The following SEMA3C variants were observed in gnomAD, a reference collection of about 807,000 sequenced individuals.
SEMA3C encodes the protein semaphorin 3C, also known as semaphorin-3C.
A neutral mutation model predicts 89.4 loss-of-function variants in SEMA3C; 47 were observed. The observed-to-expected ratio is 0.53, with a 90% confidence interval of 0.42 to 0.67. The LOEUF (loss-of-function observed/expected upper bound fraction) is 0.67. Among genes scored for constraint, SEMA3C ranks in the 30% least tolerant of loss-of-function variants. The pLI is 0.00. For missense variants in SEMA3C, 839 were observed against 929.1 expected (o/e 0.90, Z 1.26); for synonymous variants, 310 against 320.2 (o/e 0.97, Z 0.34).
At chr7:80,794,858 A>G (rs1338265303) in intron 11 of SEMA3C, among the ~76,000 whole-genome samples, 1 of 152,202 alleles carries the variant, frequency 6.6e-6, no homozygotes, top group Non-Finnish European at 1.5e-5. Context: ...ACTTACGGAA[A>G]AATATAATGA....
chr7:80,797,944 G>A, intron 11 of SEMA3C, 148 bp downstream of exon 11: 1 of 682,378 alleles, frequency 1.5e-6, no homozygotes, highest in Non-Finnish European at 2.3e-6. Flanking sequence ...GGTGAGGTGA[G>A]CTGAGATTGC....
At chr7:80,750,289 G>T (rs934352618) in intron 16 of SEMA3C, among the ~76,000 whole-genome samples, 1 of 151,220 alleles carries the variant, frequency 6.6e-6, no homozygotes, top group African/African-American at 2.4e-5. Flanking sequence ...TTAATTGAGG[G>T]ACATAAAGCA....
At chr7:80,757,065 G>A (rs867359256) in intron 15 of SEMA3C, among the ~76,000 whole-genome samples, 1 of 152,026 alleles carries the variant, frequency 6.6e-6, no homozygotes, top group African/African-American at 2.4e-5. Flanking sequence ...AATATTTGTT[G>A]AACTAATGAA....
In SEMA3C at chr7:80,789,325, A is replaced by T; in HGVS notation, c.1335T>A (p.His445Gln). 2 of 1,613,718 alleles carry T rather than the reference A, an allele frequency of 1.2e-6. No individual in the cohort carries two copies. Among genetic ancestry groups the T allele is most frequent in the Non-Finnish European group, 1.7e-6 (2 of 1,179,772 alleles). ...DRVNAADGRY[H>Q]VLFLGTDRGT... The stretch of plus-strand genomic sequence containing the variant: ...ATTTACCTGTTCCGAGAAACAGGAC[A>T]TGGTATCTCCCATCAGCAGCGTTCA... The change falls in exon 12 of 18, where the codon CAT becomes CAA. Residue 445 changes from histidine to glutamine, a missense_variant. By Grantham distance (24) the His-to-Gln change is conservative (BLOSUM62 0). Coordinates refer to ENST00000265361, the MANE Select transcript of SEMA3C (RefSeq NM_006379.5).
intron 14 of SEMA3C, 57 bp downstream of exon 14, chr7:80,761,559 T>C: frequency 1.1e-6 from 1 of 952,212 alleles, no homozygotes; most frequent in Non-Finnish European, 1.6e-6. Context: ...AAATATAATT[T>C]TTCATAACAA....
At chr7:80,884,592 A>G (rs1791428722) in intron 2 of SEMA3C, among the ~76,000 whole-genome samples, 1 of 152,226 alleles carries the variant, frequency 6.6e-6, no homozygotes, top group African/African-American at 2.4e-5. Context: ...GCAGAGGGAA[A>G]CTTCAGCTTT....
chr7:80,762,653 C>T (rs1788212036), intron 13 of SEMA3C, among the ~76,000 whole-genome samples: 1 of 152,082 alleles, frequency 6.6e-6, no homozygotes, highest in Non-Finnish European at 1.5e-5. Flanking sequence ...AACCCTGTCT[C>T]TACTACAAAA....
chr7:80,862,650 A>G (rs889634007), intron 2 of SEMA3C, among the ~76,000 whole-genome samples: 5 of 152,192 alleles, frequency 3.3e-5, no homozygotes, highest in African/African-American at 1.2e-4. Flanking sequence ...AGACTAAGCA[A>G]AAAGAACAAA....
chr7:80,911,364 A>C (rs1287865987), intron 2 of SEMA3C, among the ~76,000 whole-genome samples: 1 of 152,236 alleles, frequency 6.6e-6, no homozygotes, highest in African/African-American at 2.4e-5. Flanking sequence ...GAAGACAAAA[A>C]GTAGTATACA....
intron 5 of SEMA3C, among the ~76,000 whole-genome samples, chr7:80,813,627 C>T (rs970424552): frequency 3.3e-5 from 5 of 152,136 alleles, no homozygotes; most frequent in African/African-American, 1.2e-4. Flanking sequence ...GATTTCATTG[C>T]TTTGGATTTC....
intron 12 of SEMA3C, among the ~76,000 whole-genome samples, chr7:80,769,271 G>A (rs1255557106): frequency 2.6e-5 from 4 of 152,108 alleles, no homozygotes; most frequent in African/African-American, 9.7e-5. Context: ...CTTAACTACA[G>A]TTGCCCTATG....
chr7:80,904,525 A>T (rs1045139527), intron 2 of SEMA3C, among the ~76,000 whole-genome samples: 1 of 152,218 alleles, frequency 6.6e-6, no homozygotes, highest in Non-Finnish European at 1.5e-5. Context: ...AAACTGCGTT[A>T]CCACTACACT....
intron 2 of SEMA3C, among the ~76,000 whole-genome samples, chr7:80,853,655 G>A (rs1455586592): frequency 6.6e-6 from 1 of 152,186 alleles, no homozygotes; most frequent in Non-Finnish European, 1.5e-5. Flanking sequence ...AGGAAGTGGA[G>A]ATGGCTGATG....
At position 80,749,691 on chromosome 7, in the gene SEMA3C, G is replaced by C. The variant is rs186505861; in HGVS notation, c.1712-663C>G. Among the ~76,000 whole-genome samples, 312 of 152,200 alleles carry C rather than the reference G, an allele frequency of 2.0e-3. 2 individuals carry two copies. The highest frequency in any genetic ancestry group is 7.2e-3 in the African/African-American group (301 of 41,532). ...ACATGGATTATAGCATTTTTACATA[G>C]GTTTCTCAACGAAAGTATTAAATTA... On this transcript the variant is annotated intron_variant, in intron 16 of 17. Coordinates refer to ENST00000265361, the MANE Select transcript of SEMA3C (RefSeq NM_006379.5).
chr7:80,818,182 A>C, intron 5 of SEMA3C, 117 bp downstream of exon 5: 1 of 970,720 alleles, frequency 1.0e-6, no homozygotes, highest in Non-Finnish European at 1.5e-6. Context: ...GTTTGTATTT[A>C]AAGGGCATGA....
chr7:80,894,320 A>G (rs888225598), intron 2 of SEMA3C, among the ~76,000 whole-genome samples: 2 of 149,910 alleles, frequency 1.3e-5, no homozygotes, highest in Non-Finnish European at 2.9e-5. Context: ...AAATCTTTGT[A>G]CCTCCCTAAT....
intron 2 of SEMA3C, among the ~76,000 whole-genome samples, chr7:80,901,399 G>A (rs906919657): frequency 6.6e-6 from 1 of 152,132 alleles, no homozygotes; most frequent in African/African-American, 2.4e-5. Context: ...CTCACATTTT[G>A]ACACACAGAG....
chr7:80,821,814 G>A (rs1789755238), intron 4 of SEMA3C, among the ~76,000 whole-genome samples: 1 of 152,084 alleles, frequency 6.6e-6, no homozygotes, highest in African/African-American at 2.4e-5. Flanking sequence ...GTTAAATAAA[G>A]AGTTCTAGTT....
chr7:80,786,954 G>A (rs1179158815), intron 12 of SEMA3C, among the ~76,000 whole-genome samples: 1 of 152,176 alleles, frequency 6.6e-6, no homozygotes, highest in African/African-American at 2.4e-5. Context: ...GTTATACAAT[G>A]TGTGTTATCC....
Sources: gnomAD v4.1 joint callset for allele counts (sites outside exome capture counted in the v4.1 genomes callset) on GRCh38, gnomAD v4.1.1 for gene constraint, MANE v1.5 for transcripts, NCBI Gene and HGNC (gene_info 2026-07-23, HGNC 2026-07-21) for gene names.